Variants in GARIN1A observed in about 807,000 individuals in gnomAD.
The protein encoded by GARIN1A is Golgi-associated RAB2 interactor protein 1A.
At chr7:128,705,046 C>G in the GARIN1A span, among the ~76,000 whole-genome samples, 16 of 152,206 alleles carry the variant, frequency 1.1e-4, no homozygotes, top group South Asian at 2.1e-4. Context: ...TTTCACTTAG[C>G]CTTACTCTTG....
At chr7:128,677,219 C>T in the GARIN1A span, among the ~76,000 whole-genome samples, 4 of 151,868 alleles carry the variant, frequency 2.6e-5, no homozygotes, top group Non-Finnish European at 4.4e-5. Flanking sequence ...ATTGAAACCA[C>T]GGGCTCAGCC....
the GARIN1A span, chr7:128,683,163 C>T: frequency 1.2e-6 from 2 of 1,600,576 alleles, no homozygotes; most frequent in South Asian, 1.1e-5. Context: ...AGCCTGACAC[C>T]TAGGCAAAAC....
At chr7:128,684,614 C>CAAAAAAAAAAAA in the GARIN1A span, 3 of 92,362 alleles carry the variant, frequency 3.2e-5, no homozygotes, top group African/African-American at 8.6e-5. Flanking sequence ...GACTCCATCT[C>CAAAAAAAAAAAA]AAAAAAAAAA....
At chr7:128,705,228 T>G in the GARIN1A span, among the ~76,000 whole-genome samples, 1 of 152,232 alleles carries the variant, frequency 6.6e-6, no homozygotes, top group African/African-American at 2.4e-5. Flanking sequence ...TTGGTTTCCA[T>G]GTGTTGTCAG....
At chr7:128,705,093 G>A in the GARIN1A span, among the ~76,000 whole-genome samples, 1 of 152,158 alleles carries the variant, frequency 6.6e-6, no homozygotes, top group Admixed American at 6.5e-5. Flanking sequence ...GTTGCTGAAT[G>A]GTATTCCACT....
the GARIN1A span, among the ~76,000 whole-genome samples, chr7:128,705,655 GTTTTTTTTTTTTTT>G: frequency 1.6e-5 from 1 of 61,498 alleles, no homozygotes; most frequent in African/African-American, 6.9e-5. Flanking sequence ...TTTTTTTGGT[GTTTTTTTTTTTTTT>G]TTTTTTTTTT....
the GARIN1A span, among the ~76,000 whole-genome samples, chr7:128,695,135 T>G: frequency 1.3e-5 from 2 of 152,234 alleles, no homozygotes; most frequent in African/African-American, 4.8e-5. The surrounding 1 kb of genome is among the most constrained non-coding windows in gnomAD (Gnocchi z 4.5). Flanking sequence ...AAACCAAGTC[T>G]TTGGTAATAC....
At chr7:128,690,676 TACA>T in the GARIN1A span, 1 of 152,236 alleles carries the variant, frequency 6.6e-6, no homozygotes, top group African/African-American at 2.4e-5. Context: ...CAATTTTTCA[TACA>T]ACTCTTCCTT....
chr7:128,699,896 G>T, the GARIN1A span, among the ~76,000 whole-genome samples: 1 of 152,006 alleles, frequency 6.6e-6, no homozygotes, highest in African/African-American at 2.4e-5. Context: ...TTATATTTTT[G>T]AGTTTTATTT....
chr7:128,681,003 A>G, the GARIN1A span, among the ~76,000 whole-genome samples: 1 of 152,266 alleles, frequency 6.6e-6, no homozygotes, highest in African/African-American at 2.4e-5. Flanking sequence ...AGTGCAACCA[A>G]TATGCTGCAC....
chr7:128,674,056 G>C, the GARIN1A span, among the ~76,000 whole-genome samples: 2 of 152,044 alleles, frequency 1.3e-5, no homozygotes, highest in Non-Finnish European at 2.9e-5. Flanking sequence ...ACCTCGCCCA[G>C]CTAATTTTTT....
At chr7:128,689,551 G>A in the GARIN1A span, among the ~76,000 whole-genome samples, 10 of 145,770 alleles carry the variant, frequency 6.9e-5, no homozygotes, top group African/African-American at 2.3e-4. Flanking sequence ...GAGCCCCTCC[G>A]CCCGGCAGCC....
At chr7:128,692,847 C>A in the GARIN1A span, among the ~76,000 whole-genome samples, 1 of 152,152 alleles carries the variant, frequency 6.6e-6, no homozygotes. Flanking sequence ...CCCAGAAACA[C>A]AGGTCATCAA....
the GARIN1A span, among the ~76,000 whole-genome samples, chr7:128,673,289 C>T: frequency 2.0e-5 from 3 of 152,192 alleles, no homozygotes; most frequent in Non-Finnish European, 4.4e-5. Context: ...TGGTAACTGT[C>T]TAAGCAAGCT....
chr7:128,696,769 A>G, the GARIN1A span, among the ~76,000 whole-genome samples: 1 of 152,208 alleles, frequency 6.6e-6, no homozygotes, highest in Non-Finnish European at 1.5e-5. Context: ...GGGAGTCACC[A>G]TGGCTGGAGG....
At chr7:128,705,812 G>A in the GARIN1A span, among the ~76,000 whole-genome samples, 9 of 151,768 alleles carry the variant, frequency 5.9e-5, no homozygotes, top group African/African-American at 1.5e-4. Context: ...CCACAGGCGC[G>A]TGCCACTACG....
At chr7:128,680,568 TTA>T in the GARIN1A span, among the ~76,000 whole-genome samples, 918 of 115,826 alleles carry the variant, frequency 7.9e-3, 36 homozygotes, top group African/African-American at 0.023. Flanking sequence ...TTCTTTCTTT[TTA>T]TTTTTTTTTT....
the GARIN1A span, among the ~76,000 whole-genome samples, chr7:128,703,936 A>G: frequency 6.6e-6 from 1 of 152,170 alleles, no homozygotes; most frequent in Non-Finnish European, 1.5e-5. Context: ...TACCCTGTGC[A>G]TTTGTTAAAA....
chr7:128,700,940 T>A, the GARIN1A span, among the ~76,000 whole-genome samples: 1 of 152,026 alleles, frequency 6.6e-6, no homozygotes. Flanking sequence ...AGAAACACAG[T>A]TGTCCCTCAA....
Sources: gnomAD v4.1 joint callset for allele counts (sites outside exome capture counted in the v4.1 genomes callset) on GRCh38, gnomAD v4.1.1 for gene constraint, Gnocchi (gnomAD v3.1) non-coding constraint, MANE v1.5 for transcripts, NCBI Gene and HGNC (gene_info 2026-07-23, HGNC 2026-07-21) for gene names.